CADM2: variants seen among roughly 807,000 people sequenced by gnomAD.
The protein encoded by CADM2 is cell adhesion molecule 2.
A neutral mutation model predicts 49.8 loss-of-function variants in CADM2; 12 were observed. That is an observed-to-expected ratio of 0.24 (90% CI 0.15 to 0.39). The LOEUF (loss-of-function observed/expected upper bound fraction) is 0.39. Ranked by LOEUF, CADM2 falls within the 10% of genes least tolerant of loss-of-function variation. The probability of loss-of-function intolerance (pLI) is 1.00; values close to 1 mark genes in which losing one functional copy is unlikely to be tolerated. For missense variants in CADM2, 378 were observed against 492.3 expected, an observed-to-expected ratio of 0.77 and a Z score of 2.20; for synonymous variants, 214 against 175.4, an observed-to-expected ratio of 1.22 and a Z score of -1.74.
Position 85,912,442 on chromosome 3 carries a change from G to A in CADM2, c.599G>A (p.Arg200Gln), listed in dbSNP as rs150681488. 8.7e-6 allele frequency: 14 copies of A among 1,613,960 alleles called. No homozygotes were observed. Among genetic ancestry groups the A allele is most frequent in the African/African-American group, 1.3e-5 (1 of 74,912 alleles). Reference sequence around the variant, plus strand: ...ACTGTCAGCAGCACACTGGACTTCCGAGTGGACCGGAGTGATGATGGAGTG... The same window carrying A: ...ACTGTCAGCAGCACACTGGACTTCCAAGTGGACCGGAGTGATGATGGAGTG... ...TFTVSSTLDF[R>Q]VDRSDDGVAV... The change falls in exon 6 of 10, where the codon CGA becomes CAA. Residue 200 changes from arginine to glutamine, a missense_variant. By Grantham distance (43) the Arg-to-Gln change is conservative. Transcript: ENST00000383699.
chr3:85,852,111 G>A (rs1167605392), intron 3 of CADM2, among the ~76,000 whole-genome samples: 1 of 151,980 alleles, frequency 6.6e-6, no homozygotes, highest in Non-Finnish European at 1.5e-5. Flanking sequence ...TTTCTAATCT[G>A]TAATGAGTTG....
intron 1 of CADM2, among the ~76,000 whole-genome samples, chr3:85,039,973 A>G (rs1419830526): frequency 6.6e-6 from 1 of 152,188 alleles, no homozygotes; most frequent in Non-Finnish European, 1.5e-5. Context: ...TTTCCATAAG[A>G]CCAAACCTTC....
chr3:85,821,070 C>T (rs2073529583), intron 3 of CADM2, among the ~76,000 whole-genome samples: 2 of 152,054 alleles, frequency 1.3e-5, no homozygotes, highest in Admixed American at 1.3e-4. Context: ...TTGATGAGTA[C>T]CTATCCTTAT....
In CADM2 at chr3:85,544,532, G is replaced by C. The variant is rs567816120; in HGVS notation, c.62-181990G>C. Among the ~76,000 whole-genome samples, 32 of 152,154 alleles carry C rather than the reference G, an allele frequency of 2.1e-4. 1 individual carries two copies. In the East Asian group the frequency reaches 5.6e-3, roughly 27 times the overall value. The stretch of plus-strand genomic sequence containing the variant: ...GCGGAGCTTGCAGTGAACGGAGATC[G>C]CGCCACTGCACTCCTGCCTGGGCGA... On this transcript the variant is annotated intron_variant, in intron 1 of 9. Transcript: ENST00000383699.
intron 1 of CADM2, among the ~76,000 whole-genome samples, chr3:85,409,367 G>A (rs1182518597): frequency 1.3e-5 from 2 of 152,014 alleles, no homozygotes; most frequent in Non-Finnish European, 2.9e-5. Context: ...AATAAAATGG[G>A]AATTTTTCTG....
intron 1 of CADM2, among the ~76,000 whole-genome samples, chr3:85,347,077 G>A (rs371798429): frequency 1.3e-5 from 2 of 151,838 alleles, no homozygotes; most frequent in African/African-American, 4.8e-5. Context: ...ACAAAAATTA[G>A]CCAGGTATGG....
intron 1 of CADM2, among the ~76,000 whole-genome samples, chr3:85,415,974 G>A (rs999517325): frequency 2.0e-5 from 3 of 152,042 alleles, no homozygotes; most frequent in Non-Finnish European, 4.4e-5. Context: ...TCATAGTAAT[G>A]CCAATGCAAT....
At chr3:85,374,127 T>C (rs1365880659) in intron 1 of CADM2, among the ~76,000 whole-genome samples, 3 of 152,184 alleles carry the variant, frequency 2.0e-5, no homozygotes, top group Non-Finnish European at 2.9e-5. Context: ...AGTTTTATGC[T>C]CTGCTTCCCT....
intron 1 of CADM2, among the ~76,000 whole-genome samples, chr3:85,485,276 T>C (rs1253471671): frequency 6.6e-6 from 1 of 151,956 alleles, no homozygotes; most frequent in Non-Finnish European, 1.5e-5. Flanking sequence ...TATTGTTCCA[T>C]ATTTTGAAGA....
chr3:85,066,101 G>A (rs994377630), intron 1 of CADM2, among the ~76,000 whole-genome samples: 8 of 152,110 alleles, frequency 5.3e-5, no homozygotes, highest in Non-Finnish European at 7.4e-5. Context: ...AAGAAAAAAC[G>A]TAAGAGACAC....
intron 1 of CADM2, among the ~76,000 whole-genome samples, chr3:85,654,590 A>G (rs1007151850): frequency 1.3e-5 from 2 of 152,168 alleles, no homozygotes; most frequent in Non-Finnish European, 2.9e-5. Flanking sequence ...AGATCCAGAG[A>G]GTCATTGAGG....
intron 1 of CADM2, among the ~76,000 whole-genome samples, chr3:85,579,941 A>T (rs1224399640): frequency 6.6e-6 from 1 of 152,182 alleles, no homozygotes. Flanking sequence ...ATATGTTTAC[A>T]TACACATATG....
At chr3:85,928,622 T>C (rs1376879239) in intron 6 of CADM2, among the ~76,000 whole-genome samples, 2 of 152,192 alleles carry the variant, frequency 1.3e-5, no homozygotes, top group Non-Finnish European at 2.9e-5. Flanking sequence ...TTCTAAAGAA[T>C]ATTTTTTGTT....
rs573634359 is a variant in CADM2, at chr3:85,148,372, A to T, written c.61+188704A>T. 1.8e-4 allele frequency among the ~76,000 whole-genome samples: 27 copies of T among 152,344 alleles called. 1 individual carries two copies. The highest frequency in any genetic ancestry group is 1.8e-3 in the Admixed American group (27 of 15,306). On this transcript the variant is annotated intron_variant, in intron 1 of 9. Transcript: ENST00000383699. ...ACACTAGGAGTAATGAAAATTACAG[A>T]TAAACAAATTAAAAAATCTTTCCAG...
intron 3 of CADM2, among the ~76,000 whole-genome samples, chr3:85,849,434 C>T (rs928930482): frequency 6.6e-6 from 1 of 152,134 alleles, no homozygotes; most frequent in African/African-American, 2.4e-5. Context: ...TAAATAAAAA[C>T]CACCATTCTT....
At chr3:85,892,051 C>T (rs752710546) in intron 5 of CADM2, among the ~76,000 whole-genome samples, 6 of 152,190 alleles carry the variant, frequency 3.9e-5, no homozygotes, top group Non-Finnish European at 7.3e-5. Flanking sequence ...CTGGCAAAGA[C>T]TAGCCTTGAA....
intron 1 of CADM2, among the ~76,000 whole-genome samples, chr3:84,996,270 T>C (rs2033173559): frequency 6.6e-6 from 1 of 152,146 alleles, no homozygotes; most frequent in Non-Finnish European, 1.5e-5. Flanking sequence ...AATGGCAAGT[T>C]ATTAATATTA....
At chr3:85,734,135 A>T (rs542006715) in intron 2 of CADM2, among the ~76,000 whole-genome samples, 1 of 152,268 alleles carries the variant, frequency 6.6e-6, no homozygotes, top group Non-Finnish European at 1.5e-5. Flanking sequence ...GAAAAAAATT[A>T]ATTTATCCTG....
At chr3:85,875,047 A>G (rs1440928963) in intron 3 of CADM2, among the ~76,000 whole-genome samples, 2 of 152,114 alleles carry the variant, frequency 1.3e-5, no homozygotes, top group Admixed American at 1.3e-4. Context: ...TTAAAACTCC[A>G]TTTACTATGG....
Sources: gnomAD v4.1 joint callset for allele counts (sites outside exome capture counted in the v4.1 genomes callset) on GRCh38, gnomAD v4.1.1 for gene constraint, MANE v1.5 for transcripts, NCBI Gene and HGNC (gene_info 2026-07-23, HGNC 2026-07-21) for gene names.